The following ADAM32 variants were observed in gnomAD, a reference collection of about 807,000 sequenced individuals.
ADAM32 encodes the protein ADAM metallopeptidase domain 32, also known as disintegrin and metalloproteinase domain-containing protein 32.
In ADAM32, 89 loss-of-function variants were observed where a neutral mutation model predicts 114.9. The observed-to-expected ratio is 0.77, with a 90% CI of 0.65 to 0.92. The LOEUF is 0.92. ADAM32 is among the 40% of genes least tolerant of loss of function. The pLI, the probability that ADAM32 is intolerant of heterozygous loss-of-function variation, is 0.00. For missense variants in ADAM32, 870 were observed against 932.8 expected, an observed-to-expected ratio of 0.93 and a Z score of 0.88; for synonymous variants, 285 against 307.5, an observed-to-expected ratio of 0.93 and a Z score of 0.77.
chr8:39,235,245 T>C (rs1280548860), intron 16 of ADAM32, among the ~76,000 whole-genome samples: 1 of 152,188 alleles, frequency 6.6e-6, no homozygotes, highest in East Asian at 1.9e-4. Context: ...GTTCATAGAT[T>C]TGAATTCTGA....
intron 9 of ADAM32, chr8:39,168,458 G>A (rs1804986740): frequency 6.6e-6 from 1 of 152,176 alleles, no homozygotes; most frequent in Non-Finnish European, 1.5e-5. Flanking sequence ...ATGTGAATTT[G>A]CCCACATTAT....
intron 1 of ADAM32, among the ~76,000 whole-genome samples, chr8:39,111,030 A>T (rs940482531): frequency 6.6e-6 from 1 of 152,222 alleles, no homozygotes; most frequent in Non-Finnish European, 1.5e-5. Context: ...ATTCACTTGC[A>T]TAATGTTTTC....
At chr8:39,148,481 C>CT (rs58573029) in intron 4 of ADAM32, among the ~76,000 whole-genome samples, 2 of 139,104 alleles carry the variant, frequency 1.4e-5, no homozygotes, top group Non-Finnish European at 3.2e-5. Flanking sequence ...TTTCCTTTAC[C>CT]TTTTTTTTTT....
chr8:39,138,745 C>T (rs1165669528), intron 3 of ADAM32, among the ~76,000 whole-genome samples: 2 of 152,190 alleles, frequency 1.3e-5, no homozygotes, highest in Admixed American at 6.5e-5. Flanking sequence ...TGAGGAATCA[C>T]CACACTGTCT....
chr8:39,141,886 C>A (rs1394804775), intron 3 of ADAM32, among the ~76,000 whole-genome samples: 1 of 152,082 alleles, frequency 6.6e-6, no homozygotes, highest in Non-Finnish European at 1.5e-5. Flanking sequence ...GTATTGGGTG[C>A]ATATATATTT....
intron 11 of ADAM32, among the ~76,000 whole-genome samples, chr8:39,204,730 T>A (rs897335844): frequency 6.6e-6 from 1 of 152,246 alleles, no homozygotes; most frequent in Non-Finnish European, 1.5e-5. Context: ...TCAGCTTTTC[T>A]GCTCTGTTTT....
chr8:39,194,219 G>C (rs1418853096), intron 11 of ADAM32, among the ~76,000 whole-genome samples: 1 of 152,148 alleles, frequency 6.6e-6, no homozygotes, highest in Non-Finnish European at 1.5e-5. Flanking sequence ...GCACACTCGC[G>C]TGGTTAGCAG....
At chr8:39,229,858 T>C (rs796617749) in intron 14 of ADAM32, among the ~76,000 whole-genome samples, 53 of 152,252 alleles carry the variant, frequency 3.5e-4, no homozygotes, top group African/African-American at 1.2e-3. Context: ...AACAGATATA[T>C]ACAGAACATT....
intron 11 of ADAM32, among the ~76,000 whole-genome samples, chr8:39,206,097 T>C (rs1040970998): frequency 3.3e-5 from 5 of 152,250 alleles, no homozygotes; most frequent in African/African-American, 1.2e-4. Context: ...TTTGGCCTTA[T>C]TTATTGGTGA....
intron 14 of ADAM32, among the ~76,000 whole-genome samples, chr8:39,228,376 C>T (rs1054336790): frequency 1.3e-5 from 2 of 152,060 alleles, no homozygotes; most frequent in African/African-American, 4.8e-5. Flanking sequence ...AGCTATTAAG[C>T]TAATCAGGGA....
intron 10 of ADAM32, among the ~76,000 whole-genome samples, chr8:39,177,540 G>A (rs1352294762): frequency 6.6e-6 from 1 of 152,164 alleles, no homozygotes; most frequent in Non-Finnish European, 1.5e-5. Context: ...GTGTGAATTT[G>A]ATCCTGTCAT....
intron 6 of ADAM32, among the ~76,000 whole-genome samples, chr8:39,156,817 A>G (rs1253577516): frequency 1.3e-5 from 2 of 152,140 alleles, no homozygotes; most frequent in Non-Finnish European, 2.9e-5. Flanking sequence ...TACCAGTTAC[A>G]TTGCATCAGA....
intron 18 of ADAM32, 135 bp downstream of exon 18, chr8:39,254,651 G>A: frequency 1.7e-6 from 1 of 591,964 alleles, no homozygotes; most frequent in Non-Finnish European, 2.7e-6. Context: ...TTCTCTCAAG[G>A]AATGGAAACC....
intron 19 of ADAM32, among the ~76,000 whole-genome samples, chr8:39,266,813 T>G (rs1283883637): frequency 6.6e-6 from 1 of 152,202 alleles, no homozygotes; most frequent in Non-Finnish European, 1.5e-5. Flanking sequence ...TGCTGTCTTT[T>G]GTATGGAGCT....
intron 2 of ADAM32, chr8:39,129,953 TCC>T: frequency 8.4e-6 from 3 of 355,794 alleles, no homozygotes; most frequent in African/African-American, 2.5e-5. Flanking sequence ...ACATCACATT[TCC>T]TTTTTTTTTT....
chr8:39,162,404 C>G (rs1440649033), intron 7 of ADAM32, among the ~76,000 whole-genome samples: 3 of 152,012 alleles, frequency 2.0e-5, no homozygotes, highest in African/African-American at 4.8e-5. Flanking sequence ...TTGATCCAGA[C>G]TATCATTGTT....
chr8:39,231,924 A>G (rs997396137), intron 14 of ADAM32, 103 bp from the exon 15 acceptor site: 12 of 949,764 alleles, frequency 1.3e-5, no homozygotes, highest in African/African-American at 5.0e-5. Context: ...AAATGTTTCA[A>G]TTAGATATTA....
chr8:39,187,397 G>A lies in ADAM32; in HGVS notation c.1052+352G>A, dbSNP rs192275457. 2.3e-3 allele frequency among the ~76,000 whole-genome samples: 350 copies of A among 151,950 alleles called. 4 individuals are homozygous for A. The highest frequency in any genetic ancestry group is 6.8e-3 in the Middle Eastern group (2 of 294). ...CACCATTCTCCTGCCTCGGCCTCCC[G>A]AGTAGCTGGGACTGCAGGCACCCGC... On this transcript the variant is annotated intron_variant, in intron 11 of 24. Coordinates refer to ENST00000379907, the MANE Select transcript of ADAM32 (RefSeq NM_145004.7).
intron 15 of ADAM32, 70 bp from the exon 16 acceptor site, chr8:39,233,828 GA>G: frequency 1.9e-6 from 2 of 1,073,434 alleles, no homozygotes; most frequent in Non-Finnish European, 2.4e-6. Flanking sequence ...TTGCATCACA[GA>G]AAGCAAATCC....
Sources: gnomAD v4.1 joint callset for allele counts (sites outside exome capture counted in the v4.1 genomes callset) on GRCh38, gnomAD v4.1.1 for gene constraint, MANE v1.5 for transcripts, NCBI Gene and HGNC (gene_info 2026-07-23, HGNC 2026-07-21) for gene names.